The following FKBP9 variants were observed in gnomAD, a reference collection of about 807,000 sequenced individuals.
The protein encoded by FKBP9 is peptidyl-prolyl cis-trans isomerase FKBP9.
In FKBP9, 27 loss-of-function variants were observed where a neutral mutation model predicts 55.6. The ratio of observed to expected loss-of-function variants is 0.49; its 90% CI spans 0.36 to 0.67. The LOEUF is 0.67. Ranked by LOEUF, FKBP9 falls within the 30% of genes least tolerant of loss-of-function variation. The pLI is 0.00. For synonymous variants in FKBP9, 267 were observed against 296.5 expected (o/e 0.90, Z 1.02); for missense variants, 539 against 742.8 (o/e 0.73, Z 3.19).
chr7:32,974,378 A>G (rs1357762264), intron 1 of FKBP9, among the ~76,000 whole-genome samples: 2 of 144,230 alleles, frequency 1.4e-5, no homozygotes, highest in African/African-American at 5.1e-5. Context: ...TTTTTTTTGG[A>G]GAGAGTTATG....
In FKBP9 at chr7:32,964,982, G is replaced by A. The variant is rs182661122; in HGVS notation, c.221+7188G>A. Among the ~76,000 whole-genome samples, 563 of 152,344 alleles carry A rather than the reference G, an allele frequency of 3.7e-3. 2 individuals are homozygous for A. Among genetic ancestry groups the A allele is most frequent in the African/African-American group, 0.013 (531 of 41,572 alleles). The stretch of plus-strand genomic sequence containing the variant: ...GTGGTGGCAGGACCACAGTCCAAAC[G>A]TCAAGCAGGTCCCCTGTGAGTCAGC... On this transcript the variant is annotated intron_variant, in intron 1 of 9. Coordinates refer to ENST00000242209, the MANE Select transcript of FKBP9 (RefSeq NM_007270.5).
chr7:32,979,551 G>T, intron 4 of FKBP9: 2 of 1,550,544 alleles, frequency 1.3e-6, no homozygotes, highest in Non-Finnish European at 1.7e-6. Context: ...GCTTGTCTGG[G>T]CCTACTCCTT....
At chr7:32,984,633 C>G (rs1305813694) in intron 5 of FKBP9, among the ~76,000 whole-genome samples, 5 of 152,150 alleles carry the variant, frequency 3.3e-5, no homozygotes, top group Non-Finnish European at 7.3e-5. Context: ...TCCTGTCAGC[C>G]CCTTCCATTC....
intron 4 of FKBP9, among the ~76,000 whole-genome samples, chr7:32,978,265 T>C (rs1226117433): frequency 6.6e-6 from 1 of 151,630 alleles, no homozygotes; most frequent in Non-Finnish European, 1.5e-5. Flanking sequence ...AGATGGTTTC[T>C]TAAACAGAGC....
chr7:32,996,419 C>T, intron 7 of FKBP9, 70 bp downstream of exon 7: 2 of 1,010,408 alleles, frequency 2.0e-6, no homozygotes, highest in Non-Finnish European at 3.0e-6. Context: ...CCATCCTCCT[C>T]TCTTGGGTAG....
At chr7:32,970,697 T>C (rs1183446331) in intron 1 of FKBP9, among the ~76,000 whole-genome samples, 1 of 130,494 alleles carries the variant, frequency 7.7e-6, no homozygotes, top group Non-Finnish European at 1.6e-5. Context: ...ATCCTGCAAC[T>C]TTGCCAAATT....
chr7:32,974,146 G>A (rs944202012), intron 1 of FKBP9, among the ~76,000 whole-genome samples: 2 of 151,512 alleles, frequency 1.3e-5, no homozygotes, highest in Non-Finnish European at 2.9e-5. Context: ...TGGGACTATA[G>A]GCATGCACCA....
intron 7 of FKBP9, among the ~76,000 whole-genome samples, chr7:32,997,825 C>T (rs1784848359): frequency 6.6e-6 from 1 of 152,034 alleles, no homozygotes; most frequent in African/African-American, 2.4e-5. Flanking sequence ...GAGACTCTGT[C>T]TCCAAAAAGA....
At chr7:32,978,362 TAA>T (rs1784405784) in intron 4 of FKBP9, among the ~76,000 whole-genome samples, 1 of 152,072 alleles carries the variant, frequency 6.6e-6, no homozygotes, top group South Asian at 2.1e-4. Flanking sequence ...CACTGAGATA[TAA>T]GATACTGTTA....
intron 7 of FKBP9, among the ~76,000 whole-genome samples, 174 bp downstream of exon 7, chr7:32,996,523 A>C (rs28374673): frequency 6.6e-6 from 1 of 151,350 alleles, no homozygotes; most frequent in African/African-American, 2.5e-5. Context: ...GTTTCCTATT[A>C]ATGGTCTTGC....
chr7:32,987,977 A>G (rs1784608587), intron 5 of FKBP9, among the ~76,000 whole-genome samples: 1 of 152,034 alleles, frequency 6.6e-6, no homozygotes, highest in African/African-American at 2.4e-5. Flanking sequence ...CCAGGAGCTC[A>G]AGACCAGGCT....
Position 33,005,666 on chromosome 7 carries a change from G to T in FKBP9, c.*315G>T. On this transcript the variant is annotated 3_prime_UTR_variant, in exon 10 of 10. Coordinates refer to ENST00000242209, the MANE Select transcript of FKBP9 (RefSeq NM_007270.5). ...TTTTGTTATTAAAGGAATATATAGTGTCAGACGGAAGTTATAATCATCTTG... is the reference window on the plus strand; with the variant it reads ...TTTTGTTATTAAAGGAATATATAGTTTCAGACGGAAGTTATAATCATCTTG... 3.4e-6 allele frequency: 1 copy of T among 298,108 alleles called. No homozygotes were observed. The highest frequency in any genetic ancestry group is 4.7e-5 in the Admixed American group (1 of 21,206). The allele number at this position is 298,108 out of a possible 1,614,324, so 18.5% of individuals were successfully genotyped here.
intron 1 of FKBP9, among the ~76,000 whole-genome samples, chr7:32,970,942 A>G (rs1450938596): frequency 1.3e-5 from 2 of 150,060 alleles, no homozygotes; most frequent in Non-Finnish European, 3.0e-5. Flanking sequence ...GTTGAAACCA[A>G]GCATCTTTTC....
At chr7:32,972,446 G>C (rs751339725) in intron 1 of FKBP9, among the ~76,000 whole-genome samples, 13 of 152,078 alleles carry the variant, frequency 8.5e-5, no homozygotes, top group Non-Finnish European at 1.6e-4. Flanking sequence ...CTGTTCATTA[G>C]GGAAAAAGAG....
intron 6 of FKBP9, chr7:32,988,875 C>G (rs35727868): frequency 6.2e-6 from 3 of 481,476 alleles, no homozygotes; most frequent in Non-Finnish European, 1.1e-5. Context: ...ACTACAGGCA[C>G]GCACCACCAC....
At chr7:32,997,558 G>A (rs1341145902) in intron 7 of FKBP9, among the ~76,000 whole-genome samples, 6 of 152,212 alleles carry the variant, frequency 3.9e-5, no homozygotes, top group South Asian at 2.1e-4. Flanking sequence ...GGCTGGGTGC[G>A]GTGGCTCATG....
chr7:32,994,233 C>T (rs2127987526), intron 6 of FKBP9, among the ~76,000 whole-genome samples: 1 of 152,310 alleles, frequency 6.6e-6, no homozygotes, highest in South Asian at 2.1e-4. Context: ...CGGTCACTCT[C>T]CGTACCCTGT....
chr7:33,003,645 G>A (rs1784973858), intron 9 of FKBP9, among the ~76,000 whole-genome samples: 1 of 152,226 alleles, frequency 6.6e-6, no homozygotes, highest in African/African-American at 2.4e-5. Context: ...CAGCTCTTAC[G>A]CTCCTCTTAA....
chr7:32,957,535 G>T lies in FKBP9; in HGVS notation c.-39G>T. 2 of 1,361,430 alleles carry T rather than the reference G, an allele frequency of 1.5e-6. No individual in the cohort carries two copies. The highest frequency in any genetic ancestry group is 1.9e-6 in the Non-Finnish European group (2 of 1,059,662). The allele number at this position is 1,361,430 out of a possible 1,614,324, so 84.3% of individuals were successfully genotyped here. On this transcript the variant is annotated 5_prime_UTR_variant, in exon 1 of 10. Coordinates refer to ENST00000242209, the MANE Select transcript of FKBP9 (RefSeq NM_007270.5). ...GCCCAGGCCGACCCGTGCCGCCCGAGCGCCGCGCTGCGTCCGCGCCACTCT... is the reference window on the plus strand; with the variant it reads ...GCCCAGGCCGACCCGTGCCGCCCGATCGCCGCGCTGCGTCCGCGCCACTCT...
Sources: allele counts gnomAD v4.1 joint callset (sites outside exome capture counted in the v4.1 genomes callset), GRCh38; gene constraint gnomAD v4.1.1; transcripts MANE v1.5; gene names NCBI Gene and HGNC (gene_info 2026-07-23, HGNC 2026-07-21).